Variants in HSD17B12 observed in about 807,000 individuals in gnomAD.
HSD17B12 encodes hydroxysteroid 17-beta dehydrogenase 12.
Under a neutral mutation model 39.3 loss-of-function variants are expected in HSD17B12, and 32 were observed. That is an observed-to-expected ratio of 0.81 (90% CI 0.61 to 1.09). HSD17B12 has a LOEUF of 1.09. Ranked by LOEUF, HSD17B12 falls within the 50% of genes least tolerant of loss-of-function variation. The probability of loss-of-function intolerance (pLI) is 0.00; values close to 1 mark genes in which losing one functional copy is unlikely to be tolerated. For synonymous variants in HSD17B12, 150 were observed against 146.7 expected (o/e 1.02, Z -0.16); for missense variants, 342 against 382.9 (o/e 0.89, Z 0.89).
At chr11:43,750,447 A>G (rs1293368931) in intron 1 of HSD17B12, among the ~76,000 whole-genome samples, 1 of 151,602 alleles carries the variant, frequency 6.6e-6, no homozygotes, top group Non-Finnish European at 1.5e-5. Context: ...GCTGTTTAGT[A>G]TTCCATTGTT....
chr11:43,815,256 T>G (rs1428337115), intron 4 of HSD17B12, among the ~76,000 whole-genome samples, 181 bp from the exon 5 acceptor site: 1 of 152,196 alleles, frequency 6.6e-6, no homozygotes, highest in Non-Finnish European at 1.5e-5. Context: ...AAGAGACATT[T>G]AAGTTGGACT....
upstream of HSD17B12, chr11:43,680,529 G>A (rs1237925493): frequency 1.4e-5 from 6 of 435,018 alleles, no homozygotes; most frequent in East Asian, 2.5e-4. Flanking sequence ...AGAGACCGGG[G>A]CGCCTCGGTG....
chr11:43,781,125 C>A (rs575797279), intron 3 of HSD17B12, among the ~76,000 whole-genome samples: 1 of 152,122 alleles, frequency 6.6e-6, no homozygotes, highest in Non-Finnish European at 1.5e-5. Context: ...TCTTGGTGAC[C>A]TATAAAATTT....
the HSD17B12 span, among the ~76,000 whole-genome samples, chr11:43,571,775 T>C: frequency 0.42 from 64,000 of 152,014 alleles, 13,735 homozygotes; most frequent in South Asian, 0.52. Flanking sequence ...CTTAAAACTT[T>C]CACCCTCAAA....
intron 3 of HSD17B12, among the ~76,000 whole-genome samples, chr11:43,777,586 A>G (rs1018010713): frequency 5.7e-4 from 86 of 152,162 alleles, no homozygotes; most frequent in Non-Finnish European, 1.0e-3. Flanking sequence ...CTCCTAATTG[A>G]ATGCCCTTTA....
At chr11:43,812,674 C>A (rs930225175) in intron 4 of HSD17B12, among the ~76,000 whole-genome samples, 1 of 152,158 alleles carries the variant, frequency 6.6e-6, no homozygotes, top group Non-Finnish European at 1.5e-5. Flanking sequence ...CAGGTAGTCT[C>A]TTCACTCTGT....
At chr11:43,652,888 C>G in the HSD17B12 span, among the ~76,000 whole-genome samples, 1 of 152,014 alleles carries the variant, frequency 6.6e-6, no homozygotes, top group East Asian at 1.9e-4. Context: ...AGAGTATGAT[C>G]TAATACTAAT....
chr11:43,754,151 C>T, intron 3 of HSD17B12, 30 bp downstream of exon 3: 5 of 1,399,830 alleles, frequency 3.6e-6, no homozygotes, highest in Middle Eastern at 3.7e-4. Context: ...AAAAGGAATA[C>T]ATAGCTAATT....
At chr11:43,625,627 A>G in the HSD17B12 span, among the ~76,000 whole-genome samples, 2 of 151,454 alleles carry the variant, frequency 1.3e-5, no homozygotes, top group Non-Finnish European at 3.0e-5. Flanking sequence ...CAAATTATAT[A>G]AAAAGTATGC....
intron 1 of HSD17B12, among the ~76,000 whole-genome samples, chr11:43,711,380 A>G (rs947326948): frequency 5.9e-5 from 9 of 152,068 alleles, no homozygotes; most frequent in Admixed American, 2.0e-4. Context: ...TTTACAGAAC[A>G]TTTAGGTTTT....
chr11:43,769,440 C>T (rs891180626), intron 3 of HSD17B12, among the ~76,000 whole-genome samples: 6 of 152,160 alleles, frequency 3.9e-5, no homozygotes, highest in African/African-American at 1.4e-4. Context: ...ATTATGAGGA[C>T]ACTGAGACCT....
At position 43,819,996 on chromosome 11, in the gene HSD17B12, G is replaced by T. The variant is rs12285055; in HGVS notation, c.501+3605G>T. Among the ~76,000 whole-genome samples, 577 of 152,226 alleles carry T rather than the reference G, an allele frequency of 3.8e-3. 1 individual carries two copies. The highest frequency in any genetic ancestry group is 0.013 in the African/African-American group (550 of 41,550). ...TGGATCATGGAATTAATACCATCTG[G>T]AGGCTTAGCCAATTAGTTTTTGTTG... is the stretch of plus-strand genomic sequence containing the variant. On this transcript the variant is annotated intron_variant, in intron 6 of 10. Transcript: ENST00000278353.
At chr11:43,780,769 G>A (rs779811454) in intron 3 of HSD17B12, among the ~76,000 whole-genome samples, 22 of 152,044 alleles carry the variant, frequency 1.4e-4, no homozygotes, top group African/African-American at 1.9e-4. Context: ...TTATGACTTC[G>A]TGCCTTTGGC....
chr11:43,697,981 G>A (rs992581016), intron 1 of HSD17B12, among the ~76,000 whole-genome samples: 1 of 152,170 alleles, frequency 6.6e-6, no homozygotes, highest in Admixed American at 6.5e-5. Context: ...TTTGGAGAAT[G>A]GATGTGGAGG....
chr11:43,802,394 T>C (rs1031864570), intron 4 of HSD17B12, among the ~76,000 whole-genome samples: 1 of 152,188 alleles, frequency 6.6e-6, no homozygotes, highest in Non-Finnish European at 1.5e-5. Flanking sequence ...TTTTGCATAC[T>C]TTTTTAATAC....
intron 6 of HSD17B12, among the ~76,000 whole-genome samples, chr11:43,825,931 A>G (rs1951230986): frequency 1.1e-5 from 1 of 91,534 alleles, no homozygotes; most frequent in African/African-American, 3.4e-5. Context: ...ATCTCTGACA[A>G]CTTTAGAAAT....
At chr11:43,838,507 C>A in intron 8 of HSD17B12, 109 bp downstream of exon 8, 1 of 818,188 alleles carries the variant, frequency 1.2e-6, no homozygotes, top group Admixed American at 2.0e-5. Flanking sequence ...TGGCAGTTTT[C>A]CAGTAGACTG....
the HSD17B12 span, among the ~76,000 whole-genome samples, chr11:43,622,702 T>C: frequency 8.5e-5 from 13 of 152,132 alleles, no homozygotes; most frequent in African/African-American, 2.9e-4. Flanking sequence ...TGTAGATTTA[T>C]TAGCCCAGCC....
the HSD17B12 span, among the ~76,000 whole-genome samples, chr11:43,566,755 C>T: frequency 3.9e-5 from 6 of 152,340 alleles, no homozygotes; most frequent in East Asian, 1.2e-3. Context: ...GTCTCGAACT[C>T]CTGACCTCAT....
Sources: allele counts gnomAD v4.1 joint callset (sites outside exome capture counted in the v4.1 genomes callset), GRCh38; gene constraint gnomAD v4.1.1; transcripts MANE v1.5; gene names NCBI Gene and HGNC (gene_info 2026-07-23, HGNC 2026-07-21).